LTBP1: variants seen among roughly 807,000 people sequenced by gnomAD.
The protein encoded by LTBP1 is latent-transforming growth factor beta-binding protein 1.
Under a neutral mutation model 207.6 loss-of-function variants are expected in LTBP1, and 129 were observed. The ratio of observed to expected loss-of-function variants is 0.62; its 90% confidence interval spans 0.54 to 0.72. The LOEUF (loss-of-function observed/expected upper bound fraction) is 0.72, where lower values mean the gene tolerates loss of function less well. Ranked by LOEUF, LTBP1 falls within the 30% of genes least tolerant of loss-of-function variation. The probability of loss-of-function intolerance (pLI) is 0.00; values close to 1 mark genes in which losing one functional copy is unlikely to be tolerated. For synonymous variants in LTBP1, 963 were observed against 833.7 expected, an observed-to-expected ratio of 1.16 and a Z score of -2.67; for missense variants, 2,281 against 2,217.2, an observed-to-expected ratio of 1.03 and a Z score of -0.58.
intron 20 of LTBP1, among the ~76,000 whole-genome samples, chr2:33,297,471 G>A (rs920926585): frequency 4.7e-5 from 7 of 150,186 alleles, no homozygotes; most frequent in South Asian, 4.2e-4. Flanking sequence ...TCGCTTTGTC[G>A]CCCAGGCTGG....
intron 5 of LTBP1, among the ~76,000 whole-genome samples, chr2:33,143,713 G>T (rs2082804173): frequency 6.6e-6 from 1 of 151,732 alleles, no homozygotes; most frequent in Non-Finnish European, 1.5e-5. Flanking sequence ...TTGCATCCAT[G>T]TAAATACTGA....
intron 5 of LTBP1, among the ~76,000 whole-genome samples, chr2:33,156,324 A>G (rs186940804): frequency 6.6e-6 from 1 of 152,296 alleles, no homozygotes; most frequent in Admixed American, 6.5e-5. Flanking sequence ...TTAAGCTTCA[A>G]GGGAATTCTC....
At chr2:33,276,212 A>G (rs1363322499) in intron 18 of LTBP1, among the ~76,000 whole-genome samples, 2 of 152,220 alleles carry the variant, frequency 1.3e-5, no homozygotes, top group African/African-American at 4.8e-5. Flanking sequence ...AGAAACACAG[A>G]CTTAATTACA....
chr2:33,106,465 C>G (rs1306744196), intron 3 of LTBP1, among the ~76,000 whole-genome samples: 2 of 152,186 alleles, frequency 1.3e-5, no homozygotes, highest in Non-Finnish European at 2.9e-5. Context: ...ACTTGAAAGT[C>G]AAAATCACTG....
chr2:33,371,362 T>G (rs1209840348), intron 31 of LTBP1, among the ~76,000 whole-genome samples: 1 of 152,196 alleles, frequency 6.6e-6, no homozygotes, highest in Non-Finnish European at 1.5e-5. Context: ...CTGCCCACTC[T>G]TAAAATGATT....
intron 31 of LTBP1, among the ~76,000 whole-genome samples, chr2:33,388,544 T>A (rs2095287431): frequency 6.6e-6 from 1 of 152,206 alleles, no homozygotes; most frequent in Non-Finnish European, 1.5e-5. Flanking sequence ...ATTAAGTGCT[T>A]AGAACAGTAT....
intron 3 of LTBP1, among the ~76,000 whole-genome samples, chr2:33,106,933 A>C (rs1490555950): frequency 2.6e-5 from 4 of 152,234 alleles, no homozygotes; most frequent in Non-Finnish European, 5.9e-5. Flanking sequence ...AACACTGTTC[A>C]GCCCTACTTC....
chr2:33,048,245 G>T (rs1377164250), intron 3 of LTBP1, among the ~76,000 whole-genome samples: 1 of 152,176 alleles, frequency 6.6e-6, no homozygotes, highest in Non-Finnish European at 1.5e-5. Context: ...TTTAGTACAA[G>T]GAGCTGTGTG....
chr2:32,957,773 T>C (rs1019361224), intron 2 of LTBP1, among the ~76,000 whole-genome samples: 1 of 152,188 alleles, frequency 6.6e-6, no homozygotes, highest in Non-Finnish European at 1.5e-5. Flanking sequence ...ACACAGTGTT[T>C]GTGAAGTGCA....
intron 3 of LTBP1, among the ~76,000 whole-genome samples, chr2:33,040,351 T>A (rs941812751): frequency 6.6e-6 from 1 of 152,138 alleles, no homozygotes; most frequent in Non-Finnish European, 1.5e-5. Flanking sequence ...CCCTTCCTGG[T>A]GGTTAAGGAG....
chr2:33,283,536 A>G (rs534066661), intron 19 of LTBP1, among the ~76,000 whole-genome samples: 4 of 140,974 alleles, frequency 2.8e-5, no homozygotes, highest in Admixed American at 2.4e-4. Flanking sequence ...TCCCGGATTC[A>G]CGCCATTCTC....
rs2092831783 is a variant in LTBP1, at chr2:33,255,759, CAGT to C, written c.2168-1523_2168-1521del. 2.0e-5 allele frequency among the ~76,000 whole-genome samples: 3 copies of C among 152,214 alleles called. No individual in the cohort carries two copies. The South Asian group carries it at 6.2e-4, about 32-fold the overall frequency. On this transcript the variant is annotated intron_variant, in intron 11 of 33. Coordinates refer to ENST00000404816, the MANE Select transcript of LTBP1 (RefSeq NM_206943.4). ...AAACAGTATTTTAGCATACTATAAG[CAGT>C]ATTTTTAGAGTTTCCTTTTTCTTGA...
chr2:33,205,097 C>G (rs1262289434), intron 7 of LTBP1, among the ~76,000 whole-genome samples: 4 of 152,196 alleles, frequency 2.6e-5, no homozygotes, highest in African/African-American at 9.7e-5. Context: ...GACATATGCA[C>G]AGGCCATATG....
chr2:33,058,392 G>A (rs188094187), intron 3 of LTBP1, among the ~76,000 whole-genome samples: 9 of 152,264 alleles, frequency 5.9e-5, no homozygotes, highest in Admixed American at 4.6e-4. Flanking sequence ...AGAAGCTAAA[G>A]CTTCCAATGT....
At chr2:33,101,969 C>T (rs1047154811) in intron 3 of LTBP1, among the ~76,000 whole-genome samples, 3 of 152,048 alleles carry the variant, frequency 2.0e-5, no homozygotes, top group East Asian at 1.9e-4. Flanking sequence ...TTTTTTAGCA[C>T]GTAGCTTTGA....
At chr2:33,390,327 T>C (rs1377506097) in intron 32 of LTBP1, among the ~76,000 whole-genome samples, 1 of 152,104 alleles carries the variant, frequency 6.6e-6, no homozygotes, top group East Asian at 1.9e-4. Context: ...AAATCAGACT[T>C]TTCAAATACA....
chr2:33,315,385 G>T, intron 24 of LTBP1, 116 bp downstream of exon 24: 1 of 1,262,146 alleles, frequency 7.9e-7, no homozygotes, highest in Non-Finnish European at 1.1e-6. Context: ...GAGCCTCAAA[G>T]CATGTATGCA....
intron 7 of LTBP1, among the ~76,000 whole-genome samples, chr2:33,193,715 G>A (rs2088198974): frequency 6.6e-6 from 1 of 152,014 alleles, no homozygotes; most frequent in African/African-American, 2.4e-5. Flanking sequence ...TATCTGTTAT[G>A]GTGATGTGTG....
chr2:33,011,512 A>G (rs1465766819), intron 2 of LTBP1, among the ~76,000 whole-genome samples: 1 of 152,192 alleles, frequency 6.6e-6, no homozygotes, highest in Non-Finnish European at 1.5e-5. Flanking sequence ...ACACAGAGAC[A>G]GACACAGAGG....
Sources: allele counts gnomAD v4.1 joint callset (sites outside exome capture counted in the v4.1 genomes callset), GRCh38; gene constraint gnomAD v4.1.1; transcripts MANE v1.5; gene names NCBI Gene and HGNC (gene_info 2026-07-23, HGNC 2026-07-21).